The following HAUS7 variants were observed in gnomAD, a reference collection of about 807,000 sequenced individuals.
HAUS7 encodes HAUS augmin like complex subunit 7.
In HAUS7, 3 loss-of-function variants were observed where a neutral mutation model predicts 28.4. The observed-to-expected ratio is 0.11, with a 90% CI of 0.05 to 0.27. The LOEUF (loss-of-function observed/expected upper bound fraction) is 0.27, where lower values mean the gene tolerates loss of function less well. HAUS7 is among the 10% of genes least tolerant of loss of function. The pLI, the probability that HAUS7 is intolerant of heterozygous loss-of-function variation, is 1.00. For missense variants in HAUS7, 284 were observed against 297.3 expected (o/e 0.96, Z 0.33); for synonymous variants, 165 against 132.1 (o/e 1.25, Z -1.71).
At position 153,476,807 on chromosome X, in the gene HAUS7, C is replaced by T. The variant is rs781957518; in HGVS notation, c.-588-5662G>A. ...TGGAAAATCCCAACAGCCCTCCCAC[C>T]CTCTGCTCCAGACACCGGGCTCGGG... On this transcript the variant is annotated intron_variant, in intron 1 of 5. Transcript: ENST00000370210. Among the ~76,000 whole-genome samples the T allele has an allele frequency of 1.2e-3, 132 of 111,404 alleles. 2 individuals carry two copies. The South Asian group carries it at 0.017, about 14-fold the overall frequency.
At chrX:153,466,323 C>T (rs896974979) in intron 2 of HAUS7, among the ~76,000 whole-genome samples, 3 of 112,504 alleles carry the variant, frequency 2.7e-5, no homozygotes, top group African/African-American at 6.5e-5. Flanking sequence ...TCAAAACCCA[C>T]GCTGCAGAAG....
At chrX:153,469,047 C>A in intron 2 of HAUS7, 99 bp downstream of exon 2, 1 of 520,971 alleles carries the variant, frequency 1.9e-6, no homozygotes, top group Admixed American at 2.6e-5. Flanking sequence ...TCTGGGAAGA[C>A]AGCTACTCAC....
upstream of HAUS7, among the ~76,000 whole-genome samples, chrX:153,475,081 C>T (rs1391526884): frequency 8.9e-6 from 1 of 112,698 alleles, no homozygotes; most frequent in East Asian, 2.8e-4. Flanking sequence ...CAGCTTCTGC[C>T]CAACCTCCGT....
At chrX:153,495,172 C>G (rs1398284527) in intron 1 of HAUS7, 1 of 110,968 alleles carries the variant, frequency 9.0e-6, no homozygotes, top group Non-Finnish European at 1.9e-5. Flanking sequence ...GCTCTGCTGC[C>G]TCCGCTGTCC....
chrX:153,474,995 C>G (rs1363048287), upstream of HAUS7, among the ~76,000 whole-genome samples: 1 of 109,165 alleles, frequency 9.2e-6, no homozygotes, highest in East Asian at 2.9e-4. Context: ...CGTGCCCGCT[C>G]GGAGGGCCGG....
chrX:153,487,146 G>C, intron 1 of HAUS7: 1 of 216,980 alleles, frequency 4.6e-6, no homozygotes, highest in South Asian at 5.8e-5. Context: ...AAGAGATTCA[G>C]AGGGCTTGGG....
At chrX:153,475,069 T>G (rs2089554299), upstream of HAUS7, among the ~76,000 whole-genome samples, 1 of 112,296 alleles carries the variant, frequency 8.9e-6, no homozygotes, top group Admixed American at 9.3e-5. Context: ...GGGCCTGAGC[T>G]CCAGCTTCTG....
intron 1 of HAUS7, among the ~76,000 whole-genome samples, chrX:153,494,168 G>A (rs2089689835): frequency 8.9e-6 from 1 of 111,971 alleles, no homozygotes; most frequent in South Asian, 3.8e-4. Flanking sequence ...CTGAGTCTTG[G>A]TGGGGTAACC....
chrX:153,464,242 T>C (rs781896336), intron 3 of HAUS7, among the ~76,000 whole-genome samples: 70 of 112,450 alleles, frequency 6.2e-4, no homozygotes, highest in Non-Finnish European at 1.2e-3. Flanking sequence ...GGGTCACACA[T>C]GTGTTGGTGT....
chrX:153,466,539 GGGA>G (rs1422820235), intron 2 of HAUS7, among the ~76,000 whole-genome samples: 1 of 112,084 alleles, frequency 8.9e-6, no homozygotes, highest in Non-Finnish European at 1.9e-5. Context: ...AGGTTCTACT[GGGA>G]GGAGATGAAA....
At chrX:153,484,615 G>A (rs1223604845) in intron 1 of HAUS7, among the ~76,000 whole-genome samples, 5 of 112,746 alleles carry the variant, frequency 4.4e-5, no homozygotes, top group Admixed American at 2.8e-4. Flanking sequence ...AGTCTGACCC[G>A]CCATTCCAGG....
intron 1 of HAUS7, among the ~76,000 whole-genome samples, chrX:153,491,434 T>C (rs781978933): frequency 3.5e-5 from 4 of 112,799 alleles, no homozygotes. Context: ...CCAGGTCCTC[T>C]TCCCCACACT....
At chrX:153,464,507 GACAT>G (rs781822646) in intron 3 of HAUS7, among the ~76,000 whole-genome samples, 201 of 112,481 alleles carry the variant, frequency 1.8e-3, no homozygotes, top group African/African-American at 6.0e-3. Context: ...TTTGACCTTT[GACAT>G]TCCACCAACT....
chrX:153,485,895 C>T (rs1385334993), intron 1 of HAUS7: 12 of 935,531 alleles, frequency 1.3e-5, no homozygotes, highest in South Asian at 4.5e-5. Flanking sequence ...TACGCGTTCG[C>T]GCACATGAAG....
intron 1 of HAUS7, chrX:153,480,916 G>A (rs2089595707): frequency 5.3e-6 from 4 of 755,093 alleles, no homozygotes; most frequent in Non-Finnish European, 6.3e-6. Flanking sequence ...GCTCAAGAGG[G>A]GGCAGCAGTC....
chrX:153,456,464 C>T (rs782540572), intron 6 of HAUS7, 29 bp downstream of exon 6: 3 of 1,175,084 alleles, frequency 2.6e-6, no homozygotes, highest in East Asian at 3.1e-5. Context: ...GGCCAGGGTG[C>T]TGCCACTGAG....
At chrX:153,461,135 TGCTCCTTAAAC>T (rs58984866) in intron 4 of HAUS7, among the ~76,000 whole-genome samples, 6,074 of 112,423 alleles carry the variant, frequency 0.054, 368 homozygotes, top group African/African-American at 0.17. Context: ...CGGCTGAACT[TGCTCCTTAAAC>T]CTAAGCAGGT....
chrX:153,474,703 A>G (rs1190595715), upstream of HAUS7, among the ~76,000 whole-genome samples: 1 of 36,575 alleles, frequency 2.7e-5, no homozygotes, highest in African/African-American at 5.6e-5. Context: ...GCAACGGGAG[A>G]GGCGGGGGCG....
intron 9 of HAUS7, among the ~76,000 whole-genome samples, chrX:153,453,428 A>G (rs1396471863): frequency 8.9e-6 from 1 of 112,293 alleles, no homozygotes; most frequent in Non-Finnish European, 1.9e-5. Flanking sequence ...TTTATGTTAT[A>G]TGAACTTGAA....
Sources: gnomAD v4.1 joint callset for allele counts (sites outside exome capture counted in the v4.1 genomes callset) on GRCh38, gnomAD v4.1.1 for gene constraint, MANE v1.5 for transcripts, NCBI Gene and HGNC (gene_info 2026-07-23, HGNC 2026-07-21) for gene names.